PRSS12: variants seen among roughly 807,000 people sequenced by gnomAD.
The protein encoded by PRSS12 is neurotrypsin.
Under a neutral mutation model 104.4 loss-of-function variants are expected in PRSS12, and 85 were observed. The observed-to-expected ratio is 0.81, with a 90% CI of 0.68 to 0.98. The LOEUF (loss-of-function observed/expected upper bound fraction) is 0.98, where lower values mean the gene tolerates loss of function less well. Ranked by LOEUF, PRSS12 falls within the 50% of genes least tolerant of loss-of-function variation. The pLI is 0.00. For synonymous variants in PRSS12, 454 were observed against 425.2 expected, an observed-to-expected ratio of 1.07 and a Z score of -0.83; for missense variants, 1,141 against 1,139.2, an observed-to-expected ratio of 1.00 and a Z score of -0.02.
chr4:118,301,628 T>A (rs779559332), intron 8 of PRSS12, among the ~76,000 whole-genome samples: 25 of 152,264 alleles, frequency 1.6e-4, no homozygotes, highest in Non-Finnish European at 3.1e-4. Context: ...TCTTCATTGA[T>A]AAGGTCTTCT....
intron 7 of PRSS12, among the ~76,000 whole-genome samples, chr4:118,309,542 T>C (rs895128822): frequency 6.6e-6 from 1 of 152,092 alleles, no homozygotes; most frequent in African/African-American, 2.4e-5. Flanking sequence ...TGACATTTGA[T>C]TGTGGACTCC....
intron 11 of PRSS12, among the ~76,000 whole-genome samples, chr4:118,294,581 TCC>T (rs1743210645): frequency 6.6e-6 from 1 of 151,962 alleles, no homozygotes; most frequent in Non-Finnish European, 1.5e-5. Context: ...ACAACTGCAT[TCC>T]CTAGTCCTTA....
intron 5 of PRSS12, among the ~76,000 whole-genome samples, chr4:118,317,615 A>G (rs1161753676): frequency 6.6e-6 from 1 of 152,154 alleles, no homozygotes; most frequent in African/African-American, 2.4e-5. Context: ...ATACATTTCT[A>G]TGGTGTATTA....
chr4:118,341,711 C>T (rs1724216182), intron 1 of PRSS12, among the ~76,000 whole-genome samples: 1 of 152,030 alleles, frequency 6.6e-6, no homozygotes, highest in African/African-American at 2.4e-5. Context: ...ACAACAACAA[C>T]AAAACTATAA....
Position 118,282,225 on chromosome 4 carries a change from G to A in PRSS12, c.2339C>T (p.Thr780Ile), listed in dbSNP as rs887727360. The A allele has an allele frequency of 1.2e-6, 2 of 1,614,056 alleles. No individual in the cohort carries two copies. Among genetic ancestry groups the A allele is most frequent in the African/African-American group, 1.3e-5 (1 of 74,926 alleles). Reference sequence around the variant, plus strand: ...TAAGGGAATGGCTGCTTGTTGTAGTGTTCTTGAATAGGCTCGTCCTACTCA... The same window carrying A: ...TAAGGGAATGGCTGCTTGTTGTAGTATTCTTGAATAGGCTCGTCCTACTCA... ...WGDTGRAYSRTLQQAAIPLLP... is the reference protein window; with the variant it reads ...WGDTGRAYSRILQQAAIPLLP... The change falls in exon 13 of 13, where the codon ACA becomes ATA. Residue 780 changes from threonine to isoleucine, a missense_variant. Physicochemically the swap from Thr to Ile is moderately conservative, Grantham distance 89. Coordinates refer to ENST00000296498, the MANE Select transcript of PRSS12 (RefSeq NM_003619.4).
intron 11 of PRSS12, among the ~76,000 whole-genome samples, chr4:118,288,878 T>A (rs975576451): frequency 5.9e-5 from 9 of 152,344 alleles, no homozygotes; most frequent in African/African-American, 2.2e-4. Context: ...GCATTCCATG[T>A]GTATTGCATT....
intron 7 of PRSS12, among the ~76,000 whole-genome samples, chr4:118,312,312 T>C (rs189764235): frequency 3.1e-3 from 478 of 152,124 alleles, no homozygotes; most frequent in African/African-American, 0.011. Context: ...AATCCAAGGT[T>C]AAAAGTAAAG....
chr4:118,293,036 TA>T (rs1208175053), intron 11 of PRSS12, among the ~76,000 whole-genome samples: 3 of 150,202 alleles, frequency 2.0e-5, no homozygotes, highest in Admixed American at 6.6e-5. Context: ...ATAATAATAA[TA>T]AATAAATAAA....
At chr4:118,318,818 A>G (rs1723524417) in intron 4 of PRSS12, among the ~76,000 whole-genome samples, 1 of 152,176 alleles carries the variant, frequency 6.6e-6, no homozygotes, top group Admixed American at 6.5e-5. Flanking sequence ...TCAGATTTTT[A>G]GGAGGACAAT....
Position 118,320,258 on chromosome 4 carries a change from G to A in PRSS12, c.972-1702C>T, listed in dbSNP as rs1053453084. 8.6e-5 allele frequency among the ~76,000 whole-genome samples: 13 copies of A among 151,820 alleles called. 1 individual carries two copies. Among genetic ancestry groups the A allele is most frequent in the African/African-American group, 3.1e-4 (13 of 41,366 alleles). Reference sequence around the variant, plus strand: ...CTCTTTTCTTATAACATTATAACTTGAGAATTTACAACAAAAATATATTGA... The same window carrying A: ...CTCTTTTCTTATAACATTATAACTTAAGAATTTACAACAAAAATATATTGA... On this transcript the variant is annotated intron_variant, in intron 4 of 12. Transcript: ENST00000296498.
intron 12 of PRSS12, among the ~76,000 whole-genome samples, chr4:118,282,618 T>A (rs1454508362): frequency 2.0e-5 from 3 of 152,216 alleles, no homozygotes; most frequent in Non-Finnish European, 4.4e-5. Context: ...CTTCACTGAA[T>A]TAAACTGAGT....
Position 118,335,521 on chromosome 4 carries a change from C to G in PRSS12, c.772G>C (p.Val258Leu). ...GCAGCTGCCATCTTCTGAGGACACA[C>G]CCCACCCTGCCAGATGTCTTTTTCA... ...LCEKDIWQGG[V>L]CPQKMAAAVT... is the part of the protein sequence containing the mutation. Residue 258 changes from valine (V) to leucine (L), a missense_variant, in exon 3 of 13, where the codon GTG becomes CTG. Val to Leu is a conservative substitution (Grantham distance 32). Coordinates refer to ENST00000296498, the MANE Select transcript of PRSS12 (RefSeq NM_003619.4). 6.2e-7 allele frequency: 1 copy of G among 1,613,980 alleles called. No individual in the cohort carries two copies. The highest frequency in any genetic ancestry group is 8.5e-7 in the Non-Finnish European group (1 of 1,179,962).
At position 118,352,359 on chromosome 4, in the gene PRSS12, C is replaced by T; in HGVS notation, c.362G>A (p.Arg121Gln). The T allele has an allele frequency of 6.4e-7, 1 of 1,567,638 alleles. No homozygotes were observed. The highest frequency in any genetic ancestry group is 8.6e-7 in the Non-Finnish European group (1 of 1,162,476). ...RWAEVPPFLERSPPASWAQLR... is the reference protein window; with the variant it reads ...RWAEVPPFLEQSPPASWAQLR... Reference sequence around the variant, plus strand: ...CTGAGCCCAGCTCGCTGGGGGCGACCGCTCCAGGAAGGGTGGCACCTCCGC... The same window carrying T: ...CTGAGCCCAGCTCGCTGGGGGCGACTGCTCCAGGAAGGGTGGCACCTCCGC... The change falls in exon 1 of 13, where the codon CGG (arginine) becomes CAG (glutamine). Residue 121 changes from arginine to glutamine, a missense_variant. By Grantham distance (43) the Arg-to-Gln change is conservative. Coordinates refer to ENST00000296498, the MANE Select transcript of PRSS12 (RefSeq NM_003619.4).
intron 3 of PRSS12, among the ~76,000 whole-genome samples, chr4:118,334,452 AAGC>A (rs1455379261): frequency 2.0e-5 from 3 of 152,322 alleles, no homozygotes; most frequent in Non-Finnish European, 4.4e-5. Flanking sequence ...ATCATCCTTG[AAGC>A]AGCATTGGAT....
At chr4:118,340,784 A>G (rs788656) in intron 1 of PRSS12, among the ~76,000 whole-genome samples, 125,492 of 152,144 alleles carry the variant, frequency 0.82, 54,303 homozygotes, top group Non-Finnish European at 0.95. Context: ...AAGCTATAGG[A>G]GATACTGCCC....
rs111780481 is a variant in PRSS12 at position 118,287,141 on chromosome 4, A to G, written c.2040-4030T>C. On this transcript the variant is annotated intron_variant, in intron 11 of 12. Coordinates refer to ENST00000296498, the MANE Select transcript of PRSS12 (RefSeq NM_003619.4). ...ATGTATATATGGAATACACACACAC[A>G]CACATCTTTTTTTTCTTTTTTGAGA... is the stretch of plus-strand genomic sequence containing the variant. Among the ~76,000 whole-genome samples the G allele has an allele frequency of 6.7e-3, 1,023 of 152,210 alleles. 13 individuals carry two copies. The highest frequency in any genetic ancestry group is 0.023 in the African/African-American group (940 of 41,530).
At chr4:118,308,285 T>C (rs1466396727) in intron 8 of PRSS12, 151 bp downstream of exon 8, 1 of 1,079,714 alleles carries the variant, frequency 9.3e-7, no homozygotes, top group Non-Finnish European at 1.4e-6. Context: ...TTATTACTTC[T>C]TTATAATTCT....
chr4:118,335,897 C>G (rs545951687), intron 2 of PRSS12, among the ~76,000 whole-genome samples: 1 of 152,222 alleles, frequency 6.6e-6, no homozygotes, highest in East Asian at 1.9e-4. Context: ...TGTGCCTTTA[C>G]CACCAATGAC....
chr4:118,338,144 T>C lies in PRSS12; in HGVS notation c.641+32A>G, dbSNP rs748648515. ...CCCAGCATTATTCTCAAATACTAGC[T>C]GACTGATTTGGTCAGGGATGGGTAC... On this transcript the variant is annotated intron_variant, in intron 2 of 12. Coordinates refer to ENST00000296498, the MANE Select transcript of PRSS12 (RefSeq NM_003619.4). 3 of 1,613,484 alleles carry C rather than the reference T, an allele frequency of 1.9e-6. No individual in the cohort carries two copies. The African/African-American group carries it at 4.0e-5, about 22-fold the overall frequency.
Sources: allele counts gnomAD v4.1 joint callset (sites outside exome capture counted in the v4.1 genomes callset), GRCh38; gene constraint gnomAD v4.1.1; transcripts MANE v1.5; gene names NCBI Gene and HGNC (gene_info 2026-07-23, HGNC 2026-07-21).